PALM2AKAP2: variants seen among roughly 807,000 people sequenced by gnomAD.
PALM2AKAP2 encodes the protein PALM2-AKAP2 fusion protein.
In PALM2AKAP2, 37 loss-of-function variants were observed where a neutral mutation model predicts 71.5. The observed-to-expected ratio is 0.52, with a 90% confidence interval of 0.40 to 0.68. PALM2AKAP2 has a LOEUF of 0.68. Ranked by LOEUF, PALM2AKAP2 falls within the 30% of genes least tolerant of loss-of-function variation. The pLI is 0.00. For missense variants in PALM2AKAP2, 1,224 were observed against 1,191.8 expected (o/e 1.03, Z -0.40); for synonymous variants, 468 against 478.8 (o/e 0.98, Z 0.29).
At chr9:110,027,422 A>G (rs767371937) in intron 7 of PALM2AKAP2, among the ~76,000 whole-genome samples, 11 of 152,234 alleles carry the variant, frequency 7.2e-5, no homozygotes, top group Non-Finnish European at 1.6e-4. Flanking sequence ...CCTCTTGTCC[A>G]TATATACTAA....
chr9:110,135,188 T>TATATATATATA (rs1484544851), intron 1 of PALM2AKAP2, among the ~76,000 whole-genome samples: 1 of 93,540 alleles, frequency 1.1e-5, no homozygotes, highest in African/African-American at 4.4e-5. Flanking sequence ...TATATATATA[T>TATATATATATA]AAATCAGCCA....
intron 3 of PALM2AKAP2, among the ~76,000 whole-genome samples, chr9:109,910,810 G>T (rs1246390293): frequency 6.6e-6 from 1 of 152,224 alleles, no homozygotes. Context: ...GGTGAGTGCA[G>T]AGGGACTGAG....
At chr9:109,644,339 A>G (rs1235267396) in intron 1 of PALM2AKAP2, among the ~76,000 whole-genome samples, 2 of 152,090 alleles carry the variant, frequency 1.3e-5, no homozygotes, top group Non-Finnish European at 2.9e-5. Context: ...AGAAAAGCCC[A>G]CTTTGAATAT....
chr9:109,964,199 G>A (rs1183547002), intron 6 of PALM2AKAP2, among the ~76,000 whole-genome samples: 1 of 152,250 alleles, frequency 6.6e-6, no homozygotes, highest in Non-Finnish European at 1.5e-5. Flanking sequence ...GTTCGGCATA[G>A]GCCTGGCTGC....
chr9:109,761,058 C>CT lies in PALM2AKAP2; in HGVS notation c.6-19428dup, dbSNP rs561087465. ...CATTAAGGACCACTCCAGAGGTAAC[C>CT]TTCAGCTAATCATTTCTTATGTTCT... On this transcript the variant is annotated intron_variant, in intron 1 of 6. Coordinates refer to the PALM2AKAP2 transcript ENST00000374531. Among the ~76,000 whole-genome samples the CT allele has an allele frequency of 6.6e-5, 10 of 152,258 alleles. No homozygotes were observed. The South Asian group carries it at 2.1e-3, about 32-fold the overall frequency.
At chr9:110,066,015 T>C (rs1454731480) in intron 1 of PALM2AKAP2, among the ~76,000 whole-genome samples, 1 of 152,234 alleles carries the variant, frequency 6.6e-6, no homozygotes, top group Non-Finnish European at 1.5e-5. Context: ...GGTTAATCCA[T>C]CTATGAGGTC....
Position 109,908,685 on chromosome 9 carries a change from G to A in PALM2AKAP2, c.258-15050G>A, listed in dbSNP as rs535592688. ...GACTCATTGAGATACTAACTCATGC[G>A]TCTTGAAAACACTACCAGTCTCTCC... is the stretch of plus-strand genomic sequence containing the variant. On this transcript the variant is annotated intron_variant, in intron 3 of 9. Transcript: ENST00000302798. Among the ~76,000 whole-genome samples the A allele has an allele frequency of 3.3e-5, 5 of 152,020 alleles. No homozygotes were observed. In the East Asian group the frequency reaches 5.8e-4, roughly 18 times the overall value.
intron 2 of PALM2AKAP2, among the ~76,000 whole-genome samples, chr9:109,870,063 C>T (rs978852197): frequency 6.6e-6 from 1 of 152,124 alleles, no homozygotes; most frequent in African/African-American, 2.4e-5. Flanking sequence ...GAGAGACCCC[C>T]AGCTTTGGGA....
intron 6 of PALM2AKAP2, among the ~76,000 whole-genome samples, chr9:109,952,270 G>A (rs914629704): frequency 5.3e-5 from 8 of 152,186 alleles, no homozygotes; most frequent in Admixed American, 2.0e-4. Context: ...GCCTCAAACA[G>A]GGCCTGGTCC....
chr9:109,960,505 G>A (rs1564234607), intron 6 of PALM2AKAP2, among the ~76,000 whole-genome samples: 1 of 152,184 alleles, frequency 6.6e-6, no homozygotes, highest in South Asian at 2.1e-4. Context: ...AGTTGAGCAC[G>A]GTGGTATGTG....
At chr9:110,112,284 G>A (rs1835269513) in intron 1 of PALM2AKAP2, among the ~76,000 whole-genome samples, 1 of 152,000 alleles carries the variant, frequency 6.6e-6, no homozygotes, top group African/African-American at 2.4e-5. Flanking sequence ...ATGTCAAGAT[G>A]TGCTTCTTTA....
At chr9:110,169,340 T>C (rs948623168) in exon 4 of PALM2AKAP2, 3 of 152,148 alleles carry the variant, frequency 2.0e-5, no homozygotes, top group Non-Finnish European at 4.4e-5. Flanking sequence ...GATGGGGGAG[T>C]ATATACACGT....
chr9:109,764,935 G>A (rs1313217209), intron 1 of PALM2AKAP2, among the ~76,000 whole-genome samples: 2 of 152,224 alleles, frequency 1.3e-5, no homozygotes, highest in Admixed American at 1.3e-4. Context: ...TAGTGAGGAA[G>A]GAATGTGGAT....
intron 1 of PALM2AKAP2, among the ~76,000 whole-genome samples, chr9:109,728,047 T>C (rs146999141): frequency 2.0e-5 from 3 of 152,328 alleles, no homozygotes; most frequent in African/African-American, 7.2e-5. Context: ...TTGAGTCTCC[T>C]CCACTACAGT....
At chr9:110,029,766 G>A (rs527282433) in intron 7 of PALM2AKAP2, among the ~76,000 whole-genome samples, 1 of 152,330 alleles carries the variant, frequency 6.6e-6, no homozygotes, top group Admixed American at 6.5e-5. Flanking sequence ...AGTGCGACTG[G>A]AAGGTAGCCA....
chr9:109,941,015 C>T (rs1831347423), intron 6 of PALM2AKAP2, among the ~76,000 whole-genome samples: 1 of 152,106 alleles, frequency 6.6e-6, no homozygotes, highest in Non-Finnish European at 1.5e-5. Context: ...TAGTCTTTGT[C>T]ACACATTAAT....
At chr9:109,694,432 A>C (rs1423444188) in intron 1 of PALM2AKAP2, among the ~76,000 whole-genome samples, 2 of 152,082 alleles carry the variant, frequency 1.3e-5, no homozygotes, top group Non-Finnish European at 2.9e-5. Context: ...TATAAACAAC[A>C]ACCACTATAA....
chr9:109,855,348 C>T (rs554924857), intron 1 of PALM2AKAP2, among the ~76,000 whole-genome samples: 60 of 152,114 alleles, frequency 3.9e-4, no homozygotes, highest in African/African-American at 1.4e-3. Flanking sequence ...ACTGGGATTA[C>T]AGGCATGAGC....
chr9:110,105,943 T>TTA (rs71302632), intron 1 of PALM2AKAP2, among the ~76,000 whole-genome samples: 19,214 of 151,980 alleles, frequency 0.13, 1,636 homozygotes, highest in East Asian at 0.29. Context: ...CTAGGCTGTT[T>TTA]TATATATATA....
Sources: gnomAD v4.1 joint callset for allele counts (sites outside exome capture counted in the v4.1 genomes callset) on GRCh38, gnomAD v4.1.1 for gene constraint, MANE v1.5 for transcripts, NCBI Gene and HGNC (gene_info 2026-07-23, HGNC 2026-07-21) for gene names.